Variants in ROR2 observed in about 807,000 individuals in gnomAD.
The protein encoded by ROR2 is tyrosine-protein kinase transmembrane receptor ROR2.
A neutral mutation model predicts 74.9 loss-of-function variants in ROR2; 33 were observed. That is an observed-to-expected ratio of 0.44 (90% CI 0.33 to 0.59). The LOEUF (loss-of-function observed/expected upper bound fraction) is 0.59. Among genes scored for constraint, ROR2 ranks in the 20% least tolerant of loss-of-function variants. The pLI, the probability that ROR2 is intolerant of heterozygous loss-of-function variation, is 0.02. For synonymous variants in ROR2, 586 were observed against 558.7 expected (o/e 1.05, Z -0.69); for missense variants, 1,216 against 1,313.8 (o/e 0.93, Z 1.15).
intron 1 of ROR2, among the ~76,000 whole-genome samples, chr9:91,785,485 TG>T (rs1826767088): frequency 6.6e-6 from 1 of 152,242 alleles, no homozygotes; most frequent in African/African-American, 2.4e-5. Context: ...TAGGTGATGG[TG>T]GTCTGTCCCA....
chr9:91,764,152 T>A (rs1372773252), intron 2 of ROR2, among the ~76,000 whole-genome samples: 1 of 152,218 alleles, frequency 6.6e-6, no homozygotes, highest in Non-Finnish European at 1.5e-5. Context: ...TTTTATTACA[T>A]CATTTGGTCC....
At chr9:91,736,123 C>A (rs1380450312) in intron 5 of ROR2, among the ~76,000 whole-genome samples, 1 of 152,158 alleles carries the variant, frequency 6.6e-6, no homozygotes, top group Non-Finnish European at 1.5e-5. Flanking sequence ...GCAAAGAAAG[C>A]TTTTGCAGTG....
At chr9:91,855,140 C>T (rs1829239418) in intron 1 of ROR2, among the ~76,000 whole-genome samples, 1 of 152,214 alleles carries the variant, frequency 6.6e-6, no homozygotes, top group Non-Finnish European at 1.5e-5. Context: ...CCCCACACCC[C>T]ATCCCAACAA....
Position 91,929,878 on chromosome 9 carries a change from C to T in ROR2, c.97+19989G>A, listed in dbSNP as rs556944184. Among the ~76,000 whole-genome samples, 7 of 152,212 alleles carry T rather than the reference C, an allele frequency of 4.6e-5. No homozygotes were observed. The South Asian group carries it at 6.2e-4, about 14-fold the overall frequency. On this transcript the variant is annotated intron_variant, in intron 1 of 8. Coordinates refer to ENST00000375708, the MANE Select transcript of ROR2 (RefSeq NM_004560.4). ...ATCCTGAGTACCACAGAGTTTTCCC[C>T]GGGACCTGACTCCCACATCATTGAA...
At chr9:91,821,544 A>G (rs1828140575) in intron 1 of ROR2, among the ~76,000 whole-genome samples, 2 of 151,348 alleles carry the variant, frequency 1.3e-5, no homozygotes, top group Middle Eastern at 3.4e-3. Flanking sequence ...CCCCTGCCCC[A>G]CAGCTCCCCT....
chr9:91,880,959 A>G (rs1273329830), intron 1 of ROR2, among the ~76,000 whole-genome samples: 3 of 152,048 alleles, frequency 2.0e-5, no homozygotes, highest in Non-Finnish European at 4.4e-5. Flanking sequence ...TAATTTTGTG[A>G]TTTTCATGAT....
At position 91,905,805 on chromosome 9, in the gene ROR2, T is replaced by G. The variant is rs1168264597; in HGVS notation, c.97+44062A>C. Among the ~76,000 whole-genome samples the G allele has an allele frequency of 2.0e-5, 3 of 151,462 alleles. No homozygotes were observed. The highest frequency in any genetic ancestry group is 7.3e-5 in the African/African-American group (3 of 41,228). Reference sequence around the variant, plus strand: ...AAAGCAAATTTGAAAGCCCAAGAACTAAGAGAGGGAGCCAATCAACTTTTT... The same window carrying G: ...AAAGCAAATTTGAAAGCCCAAGAACGAAGAGAGGGAGCCAATCAACTTTTT... On this transcript the variant is annotated intron_variant, in intron 1 of 8. Coordinates refer to ENST00000375708, the MANE Select transcript of ROR2 (RefSeq NM_004560.4). This position sits in a 1 kb window ranked among gnomAD's most constrained non-coding sequence, Gnocchi z 5.3.
intron 5 of ROR2, 82 bp downstream of exon 5, chr9:91,737,309 A>C: frequency 6.3e-7 from 1 of 1,578,510 alleles, no homozygotes; most frequent in South Asian, 1.1e-5. Flanking sequence ...CCATTAACTG[A>C]TGAAACACAG....
chr9:91,949,762 A>G (rs937916093), intron 1 of ROR2, 105 bp downstream of exon 1: 7 of 764,340 alleles, frequency 9.2e-6, no homozygotes, highest in African/African-American at 1.8e-5. Context: ...CTCGTTCAGG[A>G]GCATGGGCGC....
chr9:91,872,153 C>T (rs1172083337), intron 1 of ROR2, among the ~76,000 whole-genome samples: 1 of 152,086 alleles, frequency 6.6e-6, no homozygotes, highest in African/African-American at 2.4e-5. Flanking sequence ...ATTTACATTA[C>T]TTATTCACCC....
At position 91,949,899 on chromosome 9, in the gene ROR2, G is replaced by A; in HGVS notation, c.65C>T (p.Ala22Val). Residue 22 changes from alanine to valine, a missense_variant, in exon 1 of 9, where the codon GCC becomes GTC. Physicochemically the swap from Ala to Val is moderately conservative, Grantham distance 64. Coordinates refer to ENST00000375708, the MANE Select transcript of ROR2 (RefSeq NM_004560.4). Reference protein sequence around the residue: ...LLCIPAVWAAAALLLSVSRTS... With the variant: ...LLCIPAVWAAVALLLSVSRTS... ...CCGGGACACTGAGAGCAGAAGCGCG[G>A]CGGCCGCCCAGACGGCCGGGATGCA... The A allele has an allele frequency of 6.5e-7, 1 of 1,540,938 alleles. No homozygotes were observed. The highest frequency in any genetic ancestry group is 8.8e-7 in the Non-Finnish European group (1 of 1,142,812).
At chr9:91,753,926 T>C (rs952764156) in intron 4 of ROR2, among the ~76,000 whole-genome samples, 1 of 152,252 alleles carries the variant, frequency 6.6e-6, no homozygotes. Flanking sequence ...TATTTCTTCA[T>C]TGCCTCAATA....
intron 1 of ROR2, among the ~76,000 whole-genome samples, chr9:91,928,834 A>T (rs1285626791): frequency 6.6e-6 from 1 of 152,236 alleles, no homozygotes; most frequent in Non-Finnish European, 1.5e-5. Context: ...TGCAAGCTCC[A>T]CAGGAGAAAA....
chr9:91,948,679 G>A, intron 1 of ROR2: 1 of 985,548 alleles, frequency 1.0e-6, no homozygotes, highest in Non-Finnish European at 1.2e-6. Flanking sequence ...GAAAAGCAGA[G>A]CGTCTCCCAG....
At chr9:91,849,900 C>G (rs2119250102) in intron 1 of ROR2, among the ~76,000 whole-genome samples, 1 of 152,352 alleles carries the variant, frequency 6.6e-6, no homozygotes, top group Non-Finnish European at 1.5e-5. Context: ...TGAGTCACCT[C>G]ATTTTCTTCA....
At chr9:91,931,932 T>G (rs10992170) in intron 1 of ROR2, among the ~76,000 whole-genome samples, 60,909 of 152,050 alleles carry the variant, frequency 0.4, 13,366 homozygotes, top group African/African-American at 0.59. Context: ...AATAAAGTTC[T>G]GGGAACAATG....
chr9:91,842,085 G>A (rs1290738059), intron 1 of ROR2, among the ~76,000 whole-genome samples: 1 of 152,132 alleles, frequency 6.6e-6, no homozygotes, highest in East Asian at 1.9e-4. Context: ...CCCCTGTGCA[G>A]ACCCATGCCT....
intron 1 of ROR2, among the ~76,000 whole-genome samples, chr9:91,829,567 A>AAAAAAAAAAAAAAAAAAAC (rs1828397648): frequency 6.6e-6 from 1 of 150,908 alleles, no homozygotes; most frequent in African/African-American, 2.4e-5. Context: ...AAAAAAAAAA[A>AAAAAAAAAAAAAAAAAAAC]AAAAAAGCAC....
At chr9:91,830,947 C>A in intron 1 of ROR2, among the ~76,000 whole-genome samples, 1 of 151,786 alleles carries the variant, frequency 6.6e-6, no homozygotes, top group African/African-American at 2.4e-5. Context: ...ACAGTACACA[C>A]TTTCTATGAT....
Sources: allele counts gnomAD v4.1 joint callset (sites outside exome capture counted in the v4.1 genomes callset), GRCh38; gene constraint gnomAD v4.1.1; non-coding constraint Gnocchi (gnomAD v3.1); transcripts MANE v1.5; gene names NCBI Gene and HGNC (gene_info 2026-07-23, HGNC 2026-07-21).